IL1R1: variants seen among roughly 807,000 people sequenced by gnomAD.
IL1R1 encodes interleukin-1 receptor type 1.
Under a neutral mutation model 50.2 loss-of-function variants are expected in IL1R1, and 22 were observed. The observed-to-expected ratio is 0.44, with a 90% CI of 0.31 to 0.63. The LOEUF is 0.63. IL1R1 is among the 20% of genes least tolerant of loss of function. The pLI, the probability that IL1R1 is intolerant of heterozygous loss-of-function variation, is 0.07. For missense variants in IL1R1, 509 were observed against 676.2 expected (o/e 0.75, Z 2.74); for synonymous variants, 251 against 236.7 (o/e 1.06, Z -0.55).
At chr2:102,119,688 T>C (rs528669225) in intron 1 of IL1R1, among the ~76,000 whole-genome samples, 2 of 152,040 alleles carry the variant, frequency 1.3e-5, no homozygotes, top group Admixed American at 6.5e-5. Flanking sequence ...ACAATAATTG[T>C]GTATATTTAA....
chr2:102,165,294 A>G lies in IL1R1; in HGVS notation c.476A>G (p.Gln159Arg), dbSNP rs758927375. 1.6e-5 allele frequency: 24 copies of G among 1,528,148 alleles called. No individual in the cohort carries two copies. The highest frequency in any genetic ancestry group is 2.0e-5 in the Non-Finnish European group (23 of 1,126,890). 94.7% of individuals were successfully genotyped at this position (1,528,148 alleles called of 1,614,324 possible). ...GAAAATAATGAGTTACCTAAATTAC[A>G]GTGGTATAAGGTAATTTTATTTTAA... Reference protein sequence around the residue: ...KNENNELPKLQWYKDCKPLLL... With the variant: ...KNENNELPKLRWYKDCKPLLL... Residue 159 changes from glutamine to arginine, a missense_variant, in exon 5 of 12, where the codon CAG becomes CGG. Gln to Arg is a conservative substitution (Grantham distance 43). Coordinates refer to ENST00000410023, the MANE Select transcript of IL1R1 (RefSeq NM_000877.4).
chr2:102,173,680 T>A (rs1006721985), intron 9 of IL1R1, among the ~76,000 whole-genome samples: 106 of 152,214 alleles, frequency 7.0e-4, no homozygotes, highest in African/African-American at 2.5e-3. Context: ...CAAATGAATC[T>A]ATGGATTCCA....
At chr2:102,114,538 T>C (rs1255758160) in intron 1 of IL1R1, among the ~76,000 whole-genome samples, 4 of 152,212 alleles carry the variant, frequency 2.6e-5, no homozygotes, top group African/African-American at 9.6e-5. Context: ...TAAGCATTTC[T>C]CGAGATTAAC....
intron 7 of IL1R1, among the ~76,000 whole-genome samples, chr2:102,170,468 A>G (rs1685574286): frequency 6.6e-6 from 1 of 152,200 alleles, no homozygotes; most frequent in Non-Finnish European, 1.5e-5. Context: ...CATTTTTATT[A>G]TTGTTTCCTG....
At chr2:102,105,921 T>C (rs1380744776) in intron 1 of IL1R1, among the ~76,000 whole-genome samples, 1 of 152,210 alleles carries the variant, frequency 6.6e-6, no homozygotes, top group Non-Finnish European at 1.5e-5. Flanking sequence ...TTATCCTTGA[T>C]CTCCATTTAT....
At chr2:102,159,515 C>A (rs1221072880) in intron 3 of IL1R1, among the ~76,000 whole-genome samples, 3 of 152,228 alleles carry the variant, frequency 2.0e-5, no homozygotes, top group South Asian at 2.1e-4. Context: ...ACATGCCCAC[C>A]CTTCTGGGTT....
At chr2:102,128,944 G>A (rs1181776129) in intron 1 of IL1R1, among the ~76,000 whole-genome samples, 1 of 152,170 alleles carries the variant, frequency 6.6e-6, no homozygotes, top group East Asian at 1.9e-4. Flanking sequence ...GCTCACTCCT[G>A]TAATCCCATA....
At chr2:102,137,101 A>C (rs1000177617) in intron 1 of IL1R1, among the ~76,000 whole-genome samples, 1 of 152,244 alleles carries the variant, frequency 6.6e-6, no homozygotes, top group Non-Finnish European at 1.5e-5. Context: ...AATAATCTTA[A>C]GGAAGCCCTT....
At chr2:102,077,655 C>T (rs1218437883) in intron 1 of IL1R1, among the ~76,000 whole-genome samples, 1 of 152,124 alleles carries the variant, frequency 6.6e-6, no homozygotes, top group Non-Finnish European at 1.5e-5. Flanking sequence ...GTTATATTTT[C>T]CTGCTTCTTT....
chr2:102,073,468 T>G (rs1035517029), intron 1 of IL1R1, among the ~76,000 whole-genome samples: 4 of 152,144 alleles, frequency 2.6e-5, no homozygotes, highest in Non-Finnish European at 5.9e-5. Context: ...CTGAAAAATC[T>G]CAGTGATGAG....
At chr2:102,099,776 A>T (rs1249394950), upstream of IL1R1, among the ~76,000 whole-genome samples, 1 of 152,102 alleles carries the variant, frequency 6.6e-6, no homozygotes, top group East Asian at 1.9e-4. Flanking sequence ...TTTGTTTTCC[A>T]CCAGTGCTTT....
chr2:102,098,390 G>A (rs1679995448), intron 1 of IL1R1, among the ~76,000 whole-genome samples: 1 of 152,020 alleles, frequency 6.6e-6, no homozygotes, highest in Non-Finnish European at 1.5e-5. Context: ...TGGAGTTGCT[G>A]GCCAATGCAG....
At chr2:102,161,056 T>TA (rs1054279664) in intron 3 of IL1R1, among the ~76,000 whole-genome samples, 1 of 152,212 alleles carries the variant, frequency 6.6e-6, no homozygotes, top group Non-Finnish European at 1.5e-5. Context: ...TTGAAATTTT[T>TA]AAAAAATATA....
chr2:102,122,558 T>G (rs527975015), intron 1 of IL1R1, among the ~76,000 whole-genome samples: 20 of 152,302 alleles, frequency 1.3e-4, no homozygotes, highest in Middle Eastern at 3.4e-3. Context: ...TTGGTGATTT[T>G]AAGTATCAGG....
chr2:102,149,772 A>G (rs1424801136), intron 1 of IL1R1, among the ~76,000 whole-genome samples: 1 of 152,076 alleles, frequency 6.6e-6, no homozygotes, highest in Non-Finnish European at 1.5e-5. Context: ...GGCCCCTTCC[A>G]ATATGGAAGG....
Position 102,172,716 on chromosome 2 carries a change from G to GTAC in IL1R1, c.870_872dup (p.Thr291dup). The GTAC allele has an allele frequency of 1.2e-6, 2 of 1,610,114 alleles. No individual in the cohort carries two copies. The highest frequency in any genetic ancestry group is 1.7e-6 in the Non-Finnish European group (2 of 1,178,224). On this transcript the variant is annotated inframe_insertion, in exon 9 of 12. Transcript: ENST00000410023. ...GAAAATCCTGCAAACAAAAGAAGGAGTACCCTCATCACAGTGCTTAATATA... is the reference window on the plus strand; with the variant it reads ...GAAAATCCTGCAAACAAAAGAAGGAGTACTACCCTCATCACAGTGCTTAATATA...
chr2:102,109,922 C>A (rs1680650038), intron 1 of IL1R1, among the ~76,000 whole-genome samples: 1 of 152,064 alleles, frequency 6.6e-6, no homozygotes, highest in Non-Finnish European at 1.5e-5. Context: ...TTTAGTGTTT[C>A]CAGTTATAAC....
At chr2:102,093,769 C>T (rs1362996632) in intron 1 of IL1R1, among the ~76,000 whole-genome samples, 1 of 152,196 alleles carries the variant, frequency 6.6e-6, no homozygotes, top group Non-Finnish European at 1.5e-5. Flanking sequence ...GCCCCACTCC[C>T]CAGCACCTGG....
chr2:102,147,577 C>T (rs759571675), intron 1 of IL1R1, among the ~76,000 whole-genome samples: 17 of 152,146 alleles, frequency 1.1e-4, no homozygotes, highest in Non-Finnish European at 2.2e-4. Flanking sequence ...CCATCCCTGT[C>T]TCTGGGTTCT....
Sources: allele counts gnomAD v4.1 joint callset (sites outside exome capture counted in the v4.1 genomes callset), GRCh38; gene constraint gnomAD v4.1.1; transcripts MANE v1.5; gene names NCBI Gene and HGNC (gene_info 2026-07-23, HGNC 2026-07-21).